The following TENM2 variants were observed in gnomAD, a reference collection of about 807,000 sequenced individuals.
TENM2 encodes the protein teneurin transmembrane protein 2, also known as teneurin-2.
TENM2 carries 52 observed loss-of-function variants against 245.2 expected under a neutral mutation model. That is an observed-to-expected ratio of 0.21 (90% CI 0.17 to 0.27). The LOEUF (loss-of-function observed/expected upper bound fraction) is 0.27, where lower values mean the gene tolerates loss of function less well. Ranked by LOEUF, TENM2 falls within the 10% of genes least tolerant of loss-of-function variation. TENM2 has a pLI of 1.00. For missense variants in TENM2, 3,046 were observed against 3,666.8 expected, an observed-to-expected ratio of 0.83 and a Z score of 4.37; for synonymous variants, 1,363 against 1,438.9, an observed-to-expected ratio of 0.95 and a Z score of 1.19.
chr5:167,268,877 G>C, the TENM2 span, among the ~76,000 whole-genome samples: 3 of 104,662 alleles, frequency 2.9e-5, no homozygotes, highest in African/African-American at 1.0e-4. Flanking sequence ...AAGATACATA[G>C]ATAGATAGAT....
rs956087991 is a variant in TENM2, at chr5:168,247,235, G to T, written c.6296G>T (p.Arg2099Leu). The stretch of plus-strand genomic sequence containing the variant: ...TACACCTATCATGACAACAGCTTCC[G>T]CATCGCAAGCATCAAGCCCGTCATA... The change falls in exon 27 of 29, where the codon CGC (arginine) becomes CTC (leucine). Residue 2099 changes from arginine to leucine, a missense_variant. By Grantham distance (102) the Arg-to-Leu change is moderately radical. Transcript: ENST00000518659. The surrounding 1 kb of genome is among the most constrained non-coding windows in gnomAD (Gnocchi z 7.8). 1 of 1,613,838 alleles carries T rather than the reference G, an allele frequency of 6.2e-7. No individual in the cohort carries two copies. Among genetic ancestry groups the T allele is most frequent in the Non-Finnish European group, 8.5e-7 (1 of 1,179,866 alleles).
At chr5:167,040,205 G>A in the TENM2 span, among the ~76,000 whole-genome samples, 3 of 151,952 alleles carry the variant, frequency 2.0e-5, no homozygotes, top group East Asian at 5.9e-4. Context: ...TCTAGGAATG[G>A]TGTTCCTGAC....
intron 5 of TENM2, among the ~76,000 whole-genome samples, chr5:168,014,577 C>A (rs1219151947): frequency 1.3e-5 from 2 of 152,160 alleles, no homozygotes; most frequent in Admixed American, 1.3e-4. Context: ...TTCTTTGCTG[C>A]CTTAGAAACG....
the TENM2 span, among the ~76,000 whole-genome samples, chr5:166,996,160 G>A: frequency 6.6e-6 from 1 of 151,910 alleles, no homozygotes; most frequent in Non-Finnish European, 1.5e-5. Flanking sequence ...TGGCTAACAC[G>A]GTGAAACCCC....
chr5:168,036,689 ATATATATATATGTATGTG>A lies in TENM2; in HGVS notation c.1187-10728_1187-10711del, dbSNP rs1193720563. On this transcript the variant is annotated intron_variant, in intron 5 of 28. Transcript: ENST00000518659. ...AATATATGTATGTGTATATATATAT[ATATATATATATGTATGTG>A]TATATATATGTATGTGTATATATAT... Among the ~76,000 whole-genome samples the A allele has an allele frequency of 3.4e-5, 4 of 117,754 alleles. No individual in the cohort carries two copies. In the East Asian group the frequency reaches 9.6e-4, roughly 28 times the overall value. 77.3% of individuals were successfully genotyped at this position (117,754 alleles called of 152,430 possible). A position where few individuals can be genotyped will look rare whatever the true frequency, so the allele number is the denominator to read the frequency against.
chr5:167,779,874 G>C (rs1764070190), intron 2 of TENM2, among the ~76,000 whole-genome samples: 1 of 152,192 alleles, frequency 6.6e-6, no homozygotes, highest in South Asian at 2.1e-4. Context: ...GCTGGGTAGT[G>C]GGGAGGGAGG....
the TENM2 span, among the ~76,000 whole-genome samples, chr5:167,086,031 C>A: frequency 6.6e-6 from 1 of 152,122 alleles, no homozygotes; most frequent in Admixed American, 6.5e-5. Flanking sequence ...TTCCTCTCAC[C>A]CACAACTGAA....
chr5:167,693,586 G>A (rs1338655902), intron 2 of TENM2, among the ~76,000 whole-genome samples: 1 of 150,436 alleles, frequency 6.6e-6, no homozygotes, highest in East Asian at 2.0e-4. Flanking sequence ...GCCAAACATC[G>A]GTGCTCCTCT....
At chr5:167,314,096 AT>A (rs1756206970) in intron 1 of TENM2, among the ~76,000 whole-genome samples, 2 of 152,226 alleles carry the variant, frequency 1.3e-5, no homozygotes, top group African/African-American at 4.8e-5. Flanking sequence ...GTGGCAAATA[AT>A]GTTGGAAGGA....
At chr5:167,030,429 C>T in the TENM2 span, among the ~76,000 whole-genome samples, 1 of 152,180 alleles carries the variant, frequency 6.6e-6, no homozygotes, top group Non-Finnish European at 1.5e-5. Context: ...CAGTGGCCGC[C>T]TTAGGTGGAC....
intron 2 of TENM2, among the ~76,000 whole-genome samples, chr5:167,420,140 G>T (rs1763411091): frequency 6.6e-6 from 1 of 152,240 alleles, no homozygotes. Flanking sequence ...GAAGCCAGAT[G>T]CAGGAGTAGT....
rs78997954 is a variant in TENM2 at position 167,632,366 on chromosome 5, T to C, written c.503-243620T>C. Among the ~76,000 whole-genome samples the C allele has an allele frequency of 3.0e-3, 457 of 152,282 alleles. 13 individuals are homozygous for C. The East Asian group carries it at 0.051, about 17-fold the overall frequency. On this transcript the variant is annotated intron_variant, in intron 2 of 28. Transcript: ENST00000518659. Reference sequence around the variant, plus strand: ...TTGTTCTACATGCCTTGGGAATAAATTAGTCTATTACAAAATATGTGAATA... The same window carrying C: ...TTGTTCTACATGCCTTGGGAATAAACTAGTCTATTACAAAATATGTGAATA...
chr5:167,689,824 C>G (rs1187055825), intron 2 of TENM2, among the ~76,000 whole-genome samples: 1 of 151,996 alleles, frequency 6.6e-6, no homozygotes, highest in Non-Finnish European at 1.5e-5. Flanking sequence ...TGCAATGGAG[C>G]AATTTTGGCT....
intron 8 of TENM2, among the ~76,000 whole-genome samples, chr5:168,095,675 C>G (rs548452320): frequency 2.0e-5 from 3 of 152,212 alleles, no homozygotes; most frequent in Admixed American, 6.5e-5. Context: ...CATGGTATCT[C>G]CAATGCCTTG....
chr5:168,262,106 G>A, exon 29 of TENM2: 1 of 1,614,010 alleles, frequency 6.2e-7, no homozygotes, highest in Non-Finnish European at 8.5e-7. Context: ...CATGGCTCTG[G>A]AAGGACAGGT....
At chr5:167,500,029 T>G (rs914059752) in intron 2 of TENM2, among the ~76,000 whole-genome samples, 4 of 139,242 alleles carry the variant, frequency 2.9e-5, no homozygotes, top group East Asian at 2.2e-4. Context: ...TATGTGAGGG[T>G]GTGTGTGTGT....
chr5:167,107,593 C>T, the TENM2 span, among the ~76,000 whole-genome samples: 6 of 152,114 alleles, frequency 3.9e-5, no homozygotes, highest in Non-Finnish European at 7.4e-5. Flanking sequence ...AAATGAAGTC[C>T]AGCTCTGGTT....
chr5:167,641,899 T>G (rs1437598719), intron 2 of TENM2, among the ~76,000 whole-genome samples: 3 of 152,082 alleles, frequency 2.0e-5, no homozygotes, highest in African/African-American at 7.2e-5. Context: ...TCCTAGCACT[T>G]TGGGATGCCG....
intron 2 of TENM2, among the ~76,000 whole-genome samples, chr5:167,694,766 C>G (rs942694807): frequency 1.3e-5 from 2 of 152,056 alleles, no homozygotes; most frequent in African/African-American, 4.8e-5. Flanking sequence ...TTAAGTGAAA[C>G]TAACTATAGA....
Sources: gnomAD v4.1 joint callset for allele counts (sites outside exome capture counted in the v4.1 genomes callset) on GRCh38, gnomAD v4.1.1 for gene constraint, Gnocchi (gnomAD v3.1) non-coding constraint, MANE v1.5 for transcripts, NCBI Gene and HGNC (gene_info 2026-07-23, HGNC 2026-07-21) for gene names.